Variants in RARB observed in about 807,000 individuals in gnomAD.
The protein encoded by RARB is HBV-activated protein.
In RARB, 17 loss-of-function variants were observed where a neutral mutation model predicts 51.9. The observed-to-expected ratio is 0.33, with a 90% CI of 0.22 to 0.49. The LOEUF (loss-of-function observed/expected upper bound fraction) is 0.49, where lower values mean the gene tolerates loss of function less well. RARB is among the 20% of genes least tolerant of loss of function. RARB has a pLI of 0.99. For missense variants in RARB, 369 were observed against 550.8 expected (o/e 0.67, Z 3.30); for synonymous variants, 215 against 195.4 (o/e 1.10, Z -0.84).
At chr3:25,151,916 GA>G (rs1288598768) in intron 4 of RARB, among the ~76,000 whole-genome samples, 1 of 114,420 alleles carries the variant, frequency 8.7e-6, no homozygotes, top group Non-Finnish European at 2.0e-5. Flanking sequence ...CCTTTTTATA[GA>G]TTTTTTTTTT....
chr3:25,461,341 G>A lies in RARB; in HGVS notation c.306G>A (p.Lys102=). ...GGGTCAGCGCCTGTGAGGGATGTAAGGTGAGTATTCACACTTCTGTGCCTG... is the reference window on the plus strand; with the variant it reads ...GGGTCAGCGCCTGTGAGGGATGTAAAGTGAGTATTCACACTTCTGTGCCTG... ...HYGVSACEGC[K]GFFRRSIQKN... The change falls in exon 2 of 8, where the codon AAG becomes AAA. Residue 102 remains lysine (K), a splice_region_variant and synonymous_variant. Transcript: ENST00000330688. The A allele has an allele frequency of 6.2e-7, 1 of 1,613,358 alleles. No homozygotes were observed. Among genetic ancestry groups the A allele is most frequent in the Non-Finnish European group, 8.5e-7 (1 of 1,179,776 alleles).
chr3:25,170,912 A>G (rs1481550625), intron 4 of RARB, among the ~76,000 whole-genome samples: 1 of 152,208 alleles, frequency 6.6e-6, no homozygotes, highest in African/African-American at 2.4e-5. Context: ...GTGTGATTCA[A>G]GTGGTTGACC....
intron 5 of RARB, among the ~76,000 whole-genome samples, chr3:25,252,791 TCTC>T (rs1702760106): frequency 6.6e-6 from 1 of 152,164 alleles, no homozygotes; most frequent in Non-Finnish European, 1.5e-5. Context: ...TTTTAACTCT[TCTC>T]CAGGAGAACA....
intron 2 of RARB, among the ~76,000 whole-genome samples, chr3:24,905,556 T>G (rs900549293): frequency 2.0e-5 from 3 of 151,856 alleles, no homozygotes; most frequent in African/African-American, 7.3e-5. Context: ...CTAGGTAGAG[T>G]TTTTGGACAA....
intron 5 of RARB, 84 bp downstream of exon 5, chr3:25,580,806 A>C: frequency 7.2e-7 from 1 of 1,397,212 alleles, no homozygotes; most frequent in Non-Finnish European, 9.6e-7. Flanking sequence ...AGAGACATTG[A>C]AGATCTCCAG....
chr3:25,063,789 T>A (rs937468994), intron 3 of RARB, among the ~76,000 whole-genome samples: 5 of 151,816 alleles, frequency 3.3e-5, no homozygotes, highest in African/African-American at 1.2e-4. Context: ...CGGGTTATAT[T>A]TTCAGACTCA....
chr3:25,439,326 T>G (rs752700753), intron 1 of RARB, among the ~76,000 whole-genome samples: 1 of 152,224 alleles, frequency 6.6e-6, no homozygotes, highest in African/African-American at 2.4e-5. Context: ...ACCATTACCA[T>G]TTAGTGAAAC....
chr3:25,420,622 C>T (rs1025660391), intron 5 of RARB, among the ~76,000 whole-genome samples: 3 of 152,178 alleles, frequency 2.0e-5, no homozygotes, highest in South Asian at 2.1e-4. Context: ...ACTTTTGTCC[C>T]TCTCACTGCC....
At chr3:25,502,208 C>G (rs142930586) in intron 3 of RARB, among the ~76,000 whole-genome samples, 1 of 152,130 alleles carries the variant, frequency 6.6e-6, no homozygotes, top group African/African-American at 2.4e-5. Context: ...CCTAGAGATA[C>G]CTGAGACATG....
intron 3 of RARB, among the ~76,000 whole-genome samples, chr3:25,088,729 G>C (rs966767905): frequency 5.9e-5 from 9 of 152,148 alleles, no homozygotes; most frequent in Non-Finnish European, 1.2e-4. Context: ...TGGTGAACCA[G>C]ATATATTTGC....
At chr3:25,253,397 A>G (rs907948044) in intron 5 of RARB, among the ~76,000 whole-genome samples, 1 of 152,186 alleles carries the variant, frequency 6.6e-6, no homozygotes, top group African/African-American at 2.4e-5. Context: ...ATTTTGAAAT[A>G]CATAGAGACT....
rs1700429550 is a variant in RARB, at chr3:25,159,112, C to T, written c.-279-15007C>T. Among the ~76,000 whole-genome samples, 2 of 149,426 alleles carry T rather than the reference C, an allele frequency of 1.3e-5. 1 individual carries two copies. Among genetic ancestry groups the T allele is most frequent in the South Asian group, 4.2e-4 (2 of 4,734 alleles). On this transcript the variant is annotated intron_variant, in intron 4 of 11. Coordinates refer to the RARB transcript ENST00000383772. ...ATATAGTAATGTCTCTGCCACATTT[C>T]CTCTAGTGATGATTTCTCCCAAGAA...
chr3:25,285,435 C>T (rs1197201772), intron 5 of RARB, among the ~76,000 whole-genome samples: 4 of 152,072 alleles, frequency 2.6e-5, no homozygotes, highest in Non-Finnish European at 5.9e-5. Flanking sequence ...TTGTAGGGCA[C>T]ATGACAATAG....
At chr3:24,850,739 C>T (rs1235518450) in intron 1 of RARB, among the ~76,000 whole-genome samples, 2 of 152,116 alleles carry the variant, frequency 1.3e-5, no homozygotes, top group South Asian at 2.1e-4. Flanking sequence ...AATAACCTAG[C>T]GCATAGGAAT....
chr3:24,893,849 T>C (rs2125366158), intron 2 of RARB, among the ~76,000 whole-genome samples: 1 of 152,272 alleles, frequency 6.6e-6, no homozygotes, highest in South Asian at 2.1e-4. Flanking sequence ...ATGGATGTAA[T>C]CATGTGCATT....
chr3:25,500,686 C>A (rs1284707318), intron 2 of RARB, among the ~76,000 whole-genome samples: 1 of 151,808 alleles, frequency 6.6e-6, no homozygotes, highest in Non-Finnish European at 1.5e-5. Context: ...ACCATGTTAG[C>A]CAGGCTGGTC....
chr3:25,256,876 A>G (rs5012519), intron 5 of RARB, among the ~76,000 whole-genome samples: 152,223 of 152,224 alleles, frequency 1, 76,111 homozygotes, highest in Middle Eastern at 1. Flanking sequence ...GAGGTCGTGA[A>G]GGATAGTTTA....
At chr3:24,985,872 T>A (rs1357971807) in intron 2 of RARB, among the ~76,000 whole-genome samples, 1 of 152,194 alleles carries the variant, frequency 6.6e-6, no homozygotes, top group African/African-American at 2.4e-5. Flanking sequence ...AGTATCCTGC[T>A]GCAGTCCCAG....
At chr3:25,029,560 C>A (rs939591935) in intron 2 of RARB, among the ~76,000 whole-genome samples, 7 of 152,124 alleles carry the variant, frequency 4.6e-5, no homozygotes, top group African/African-American at 1.4e-4. Flanking sequence ...CACTGATGAG[C>A]CTTCTTAGCT....
Sources: allele counts gnomAD v4.1 joint callset (sites outside exome capture counted in the v4.1 genomes callset), GRCh38; gene constraint gnomAD v4.1.1; transcripts MANE v1.5; gene names NCBI Gene and HGNC (gene_info 2026-07-23, HGNC 2026-07-21).